DENND4A: variants seen among roughly 807,000 people sequenced by gnomAD.
DENND4A encodes the protein C-myc promoter-binding protein.
DENND4A carries 70 observed loss-of-function variants against 199.3 expected under a neutral mutation model. That is an observed-to-expected ratio of 0.35 (90% CI 0.29 to 0.43). The LOEUF (loss-of-function observed/expected upper bound fraction) is 0.43. Ranked by LOEUF, DENND4A falls within the 20% of genes least tolerant of loss-of-function variation. The pLI is 1.00. For synonymous variants in DENND4A, 686 were observed against 766.9 expected (o/e 0.89, Z 1.74); for missense variants, 1,723 against 2,255.8 (o/e 0.76, Z 4.78).
intron 1 of DENND4A, among the ~76,000 whole-genome samples, chr15:65,779,085 G>A (rs1596690450): frequency 1.3e-5 from 2 of 151,842 alleles, no homozygotes; most frequent in African/African-American, 2.4e-5. Flanking sequence ...GAAATATGGC[G>A]AGACCACATG....
chr15:65,660,275 C>T lies in DENND4A; in HGVS notation c.*1576G>A. On this transcript the variant is annotated 3_prime_UTR_variant, in exon 33 of 33. Coordinates refer to ENST00000443035, the MANE Select transcript of DENND4A (RefSeq NM_001320835.1). The stretch of plus-strand genomic sequence containing the variant: ...ATTTTTAAACTCTCTCCATTATTTC[C>T]CAGAGTTGGAAGCTGTGAAATGTTT... 6.5e-7 allele frequency: 1 copy of T among 1,534,140 alleles called. No individual in the cohort carries two copies. Among genetic ancestry groups the T allele is most frequent in the Non-Finnish European group, 8.7e-7 (1 of 1,145,548 alleles).
In DENND4A at chr15:65,731,692, T is replaced by G; in HGVS notation, c.1116A>C (p.Pro372=). ...QRPRILVQLS[P]HDNLILSQPV... ...GCTGACTGAGAATCAGATTATCATGTGGTGATAACTGGAAGAAGATTTAAA... is the reference window on the plus strand; with the variant it reads ...GCTGACTGAGAATCAGATTATCATGGGGTGATAACTGGAAGAAGATTTAAA... The change falls in exon 9 of 33, where the codon CCA becomes CCC. Residue 372 remains proline (P), a synonymous_variant. Transcript: ENST00000443035. 1 of 1,553,276 alleles carries G rather than the reference T, an allele frequency of 6.4e-7. No individual in the cohort carries two copies. Among genetic ancestry groups the G allele is most frequent in the Non-Finnish European group, 8.7e-7 (1 of 1,147,196 alleles).
At chr15:65,757,274 G>T (rs969314574) in intron 2 of DENND4A, among the ~76,000 whole-genome samples, 18 of 140,552 alleles carry the variant, frequency 1.3e-4, no homozygotes, top group Admixed American at 8.4e-4. Flanking sequence ...GGGGGGGGGG[G>T]GTCTCACTAT....
In DENND4A at chr15:65,659,519, G is replaced by A. The variant is rs1368370831; in HGVS notation, c.*2332C>T. On this transcript the variant is annotated 3_prime_UTR_variant, in exon 33 of 33. Transcript: ENST00000443035. Reference sequence around the variant, plus strand: ...CCGAGCAAATTTAAAAAATTTTTTTGTAGAGACAGGGTCTCTCTATGTTGC... The same window carrying A: ...CCGAGCAAATTTAAAAAATTTTTTTATAGAGACAGGGTCTCTCTATGTTGC... 1 of 151,240 alleles carries A rather than the reference G, an allele frequency of 6.6e-6. No individual in the cohort carries two copies. Among genetic ancestry groups the A allele is most frequent in the African/African-American group, 2.4e-5 (1 of 41,130 alleles). 9.4% of individuals were successfully genotyped at this position (151,240 alleles called of 1,614,324 possible).
In DENND4A at chr15:65,714,412, CAA is replaced by C; in HGVS notation, c.1953+1064_1953+1065del. On this transcript the variant is annotated intron_variant, in intron 14 of 32. Coordinates refer to ENST00000443035, the MANE Select transcript of DENND4A (RefSeq NM_001320835.1). ...TGGGTGACAGAGCGAGACTCCGTCTCAAAAAAAAAAACAAAAAAAAAACCCAA... is the reference window on the plus strand; with the variant it reads ...TGGGTGACAGAGCGAGACTCCGTCTCAAAAAAAAACAAAAAAAAAACCCAA... Among the ~76,000 whole-genome samples, 4 of 134,552 alleles carry C rather than the reference CAA, an allele frequency of 3.0e-5. 1 individual carries two copies. Among genetic ancestry groups the C allele is most frequent in the Non-Finnish European group, 1.7e-5 (1 of 60,586 alleles). The allele number at this position is 134,552 out of a possible 152,430, so 88.3% of individuals were successfully genotyped here.
At chr15:65,731,158 T>C (rs2075945985) in intron 9 of DENND4A, among the ~76,000 whole-genome samples, 1 of 151,990 alleles carries the variant, frequency 6.6e-6, no homozygotes, top group Non-Finnish European at 1.5e-5. Context: ...GCTAATCAAA[T>C]TTCAAGAAAG....
intron 4 of DENND4A, among the ~76,000 whole-genome samples, chr15:65,752,006 A>G (rs1358586734): frequency 1.3e-5 from 2 of 151,738 alleles, no homozygotes; most frequent in Admixed American, 1.3e-4. Flanking sequence ...GATTTACAAA[A>G]AAGTAGGGAG....
chr15:65,682,041 G>A (rs576281199), intron 23 of DENND4A, among the ~76,000 whole-genome samples: 1 of 152,304 alleles, frequency 6.6e-6, no homozygotes, highest in East Asian at 1.9e-4. Context: ...CATTTACAGA[G>A]CACAGGCAGA....
intron 14 of DENND4A, among the ~76,000 whole-genome samples, chr15:65,708,555 T>C (rs1044173595): frequency 1.3e-5 from 2 of 152,230 alleles, no homozygotes; most frequent in African/African-American, 2.4e-5. Context: ...ATTATAAAAA[T>C]AGCCGTGCAA....
chr15:65,786,343 C>T (rs1464796816), intron 1 of DENND4A, among the ~76,000 whole-genome samples: 1 of 152,078 alleles, frequency 6.6e-6, no homozygotes, highest in African/African-American at 2.4e-5. Flanking sequence ...TATACCATGA[C>T]ACAATCATAT....
In DENND4A at chr15:65,722,857, A is replaced by G. The variant is rs1360597939; in HGVS notation, c.1579T>C (p.Leu527=). ...MNTLNNLHQQ[L]AKLQQRPRDD... ...TAAGTTATCCACTTACATTTTGCCA[A>G]TTGCTGATGCAAATTATTCAGTGTG... Residue 527 remains leucine, a synonymous_variant, in exon 12 of 33, where the codon TTG becomes CTG. Coordinates refer to ENST00000443035, the MANE Select transcript of DENND4A (RefSeq NM_001320835.1). 1.9e-6 allele frequency: 3 copies of G among 1,596,662 alleles called. No individual in the cohort carries two copies. Among genetic ancestry groups the G allele is most frequent in the Non-Finnish European group, 2.6e-6 (3 of 1,172,730 alleles).
chr15:65,707,675 G>A (rs970264627), intron 14 of DENND4A, among the ~76,000 whole-genome samples: 2 of 151,484 alleles, frequency 1.3e-5, no homozygotes, highest in African/African-American at 2.4e-5. Context: ...CTACTAAATC[G>A]TATACATATT....
intron 5 of DENND4A, 68 bp downstream of exon 5, chr15:65,741,647 T>C: frequency 1.5e-6 from 2 of 1,364,130 alleles, no homozygotes; most frequent in Admixed American, 1.8e-5. Context: ...GCAGGTTTCT[T>C]TACTTTAACC....
chr15:65,771,814 T>G, intron 1 of DENND4A: 3 of 1,613,584 alleles, frequency 1.9e-6, no homozygotes, highest in East Asian at 4.5e-5. Context: ...GAGGTCATAC[T>G]GTTTTCGCTT....
chr15:65,665,346 G>C lies in DENND4A; in HGVS notation c.5358C>G (p.His1786Gln). The C allele has an allele frequency of 6.2e-7, 1 of 1,608,308 alleles. No individual in the cohort carries two copies. Among genetic ancestry groups the C allele is most frequent in the African/African-American group, 1.3e-5 (1 of 74,930 alleles). The change falls in exon 30 of 33, where the codon CAC becomes CAG. Residue 1786 changes from histidine to glutamine, a missense_variant and splice_region_variant. His to Gln is a conservative substitution (Grantham distance 24). Transcript: ENST00000443035. ...GQPLYILWNA[H>Q]TQKYPMVHLL... Reference sequence around the variant, plus strand: ...TCAGCATTCTATGATGGCACTTACTGTGTGCATTCCAGAGAATGTACAAGG... The same window carrying C: ...TCAGCATTCTATGATGGCACTTACTCTGTGCATTCCAGAGAATGTACAAGG...
intron 13 of DENND4A, among the ~76,000 whole-genome samples, chr15:65,716,512 T>C (rs923133388): frequency 4.0e-5 from 6 of 151,348 alleles, no homozygotes; most frequent in African/African-American, 1.2e-4. Context: ...TTTTTGTCCT[T>C]GCAACAGTTT....
chr15:65,737,841 A>G lies in DENND4A; in HGVS notation c.906T>C (p.Asp302=). 1 of 1,603,998 alleles carries G rather than the reference A, an allele frequency of 6.2e-7. No homozygotes were observed. Among genetic ancestry groups the G allele is most frequent in the Non-Finnish European group, 8.5e-7 (1 of 1,174,778 alleles). The part of the protein sequence containing the change: ...LGLTSADGKS[D]SSKTIHTNKC... ...TGTTAGTATGAATTGTTTTGGAACTATCAGACTTCCCATCTGCTGATGTTA... is the reference window on the plus strand; with the variant it reads ...TGTTAGTATGAATTGTTTTGGAACTGTCAGACTTCCCATCTGCTGATGTTA... The change falls in exon 7 of 33, where the codon GAT becomes GAC. Residue 302 remains aspartate, a synonymous_variant. Coordinates refer to ENST00000443035, the MANE Select transcript of DENND4A (RefSeq NM_001320835.1).
In DENND4A at chr15:65,700,606, T is replaced by C; in HGVS notation, c.2771A>G (p.Glu924Gly). The change falls in exon 20 of 33, where the codon GAG (glutamate) becomes GGG (glycine). Residue 924 changes from glutamate to glycine, a missense_variant. Around this residue, in one of 6 missense-constraint regions of DENND4A, gnomAD observed 650 missense variants for 738.1 expected, o/e 0.88. Transcript: ENST00000443035. ...MDSGHGTHTVEQAPFNTGLIK... is the reference protein window; with the variant it reads ...MDSGHGTHTVGQAPFNTGLIK... ...TAAACCCGTATTAAAAGGTGCCTGC[T>C]CCACAGTGTGTGTCCCATGACCACT... 1 of 1,547,398 alleles carries C rather than the reference T, an allele frequency of 6.5e-7. No individual in the cohort carries two copies. Among genetic ancestry groups the C allele is most frequent in the Non-Finnish European group, 8.7e-7 (1 of 1,145,140 alleles).
intron 1 of DENND4A, chr15:65,772,039 C>T (rs960465885): frequency 8.2e-6 from 11 of 1,345,138 alleles, no homozygotes; most frequent in Middle Eastern, 1.8e-4. Context: ...TAGAGCTTCT[C>T]GGCCTTCTGC....
Sources: gnomAD v4.1 joint callset for allele counts (sites outside exome capture counted in the v4.1 genomes callset) on GRCh38, gnomAD v4.1.1 for gene constraint, gnomAD v4.1.1 regional missense constraint, MANE v1.5 for transcripts, NCBI Gene and HGNC (gene_info 2026-07-23, HGNC 2026-07-21) for gene names.